The following PTPN5 variants were observed in gnomAD, a reference collection of about 807,000 sequenced individuals.
PTPN5 encodes the protein protein tyrosine phosphatase non-receptor type 5, also known as tyrosine-protein phosphatase non-receptor type 5.
In PTPN5, 29 loss-of-function variants were observed where a neutral mutation model predicts 73.9. The observed-to-expected ratio is 0.39, with a 90% confidence interval of 0.29 to 0.54. The LOEUF is 0.54. PTPN5 is among the 20% of genes least tolerant of loss of function. The pLI is 0.65. For synonymous variants in PTPN5, 267 were observed against 304.7 expected, an observed-to-expected ratio of 0.88 and a Z score of 1.29; for missense variants, 652 against 751.4, an observed-to-expected ratio of 0.87 and a Z score of 1.55.
At chr11:18,788,831 A>G (rs1851786002) in intron 1 of PTPN5, among the ~76,000 whole-genome samples, 1 of 152,224 alleles carries the variant, frequency 6.6e-6, no homozygotes, top group Non-Finnish European at 1.5e-5. Flanking sequence ...TGAAAATCCA[A>G]GCCTTAATTT....
intron 3 of PTPN5, among the ~76,000 whole-genome samples, chr11:18,755,533 G>A (rs1197900428): frequency 1.3e-5 from 2 of 151,694 alleles, no homozygotes; most frequent in African/African-American, 4.8e-5. Context: ...AGGCCTAAGA[G>A]GATGCGGGTT....
intron 1 of PTPN5, among the ~76,000 whole-genome samples, chr11:18,778,612 T>C (rs1361916228): frequency 2.0e-5 from 3 of 152,178 alleles, no homozygotes; most frequent in Non-Finnish European, 4.4e-5. Flanking sequence ...CTCACTCTCT[T>C]GTTCCTGCTT....
chr11:18,784,529 G>A (rs1198243655), intron 1 of PTPN5, among the ~76,000 whole-genome samples: 3 of 152,192 alleles, frequency 2.0e-5, no homozygotes, highest in South Asian at 2.1e-4. Context: ...TGAGTACAGC[G>A]ATTCAGTCTG....
chr11:18,777,991 A>AAAGAAAGG (rs1851247381), intron 1 of PTPN5, among the ~76,000 whole-genome samples: 1 of 92,514 alleles, frequency 1.1e-5, no homozygotes, highest in African/African-American at 3.8e-5. Flanking sequence ...AGAAAGAAAG[A>AAAGAAAGG]AAGGAAGGAA....
intron 3 of PTPN5, among the ~76,000 whole-genome samples, chr11:18,761,887 G>A (rs1472455840): frequency 1.3e-5 from 2 of 152,224 alleles, no homozygotes; most frequent in East Asian, 1.9e-4. Flanking sequence ...TGTGAGCCTG[G>A]AGGTGTGCGT....
intron 3 of PTPN5, among the ~76,000 whole-genome samples, chr11:18,758,442 G>A (rs912114531): frequency 7.9e-5 from 12 of 152,140 alleles, no homozygotes; most frequent in African/African-American, 2.4e-4. Flanking sequence ...AGCTTTCTCC[G>A]ACATTCTATC....
At chr11:18,767,313 T>A (rs1850687176) in intron 2 of PTPN5, among the ~76,000 whole-genome samples, 1 of 152,226 alleles carries the variant, frequency 6.6e-6, no homozygotes, top group African/African-American at 2.4e-5. Context: ...ACTGGCATTA[T>A]ATCATTTTAT....
At chr11:18,788,181 A>T (rs2134378470) in intron 1 of PTPN5, among the ~76,000 whole-genome samples, 1 of 152,160 alleles carries the variant, frequency 6.6e-6, no homozygotes, top group East Asian at 1.9e-4. Context: ...AACCATTCTT[A>T]CAACCACCCC....
intron 4 of PTPN5, chr11:18,743,641 GA>G: frequency 6.7e-6 from 4 of 599,162 alleles, no homozygotes; most frequent in Middle Eastern, 4.4e-4. Flanking sequence ...AGGGAACCAA[GA>G]GAAAGCCCTT....
At chr11:18,749,964 G>A (rs1290602367) in intron 3 of PTPN5, among the ~76,000 whole-genome samples, 1 of 152,186 alleles carries the variant, frequency 6.6e-6, no homozygotes, top group Non-Finnish European at 1.5e-5. Context: ...AGCGGTCACA[G>A]GGAGCCCTAC....
chr11:18,748,160 TC>T (rs1849723091), intron 3 of PTPN5, among the ~76,000 whole-genome samples: 1 of 152,184 alleles, frequency 6.6e-6, no homozygotes, highest in South Asian at 2.1e-4. Context: ...AGGCCTCGAC[TC>T]CCACCTGTCA....
At chr11:18,781,337 T>TTTTTTTTTTTG (rs1564932077) in intron 1 of PTPN5, among the ~76,000 whole-genome samples, 1 of 149,904 alleles carries the variant, frequency 6.7e-6, no homozygotes. Flanking sequence ...TTTTTTTTTT[T>TTTTTTTTTTTG]GAGATGGAGT....
intron 1 of PTPN5, among the ~76,000 whole-genome samples, chr11:18,790,216 C>T (rs1851853362): frequency 6.6e-6 from 1 of 152,112 alleles, no homozygotes; most frequent in Non-Finnish European, 1.5e-5. Context: ...CAAGCTTCCC[C>T]AGCAGCTTTG....
In PTPN5 at chr11:18,729,021, G is replaced by T; in HGVS notation, c.1611C>A (p.Gly537=). 6.2e-7 allele frequency: 1 copy of T among 1,613,708 alleles called. No individual in the cohort carries two copies. Among genetic ancestry groups the T allele is most frequent in the South Asian group, 1.1e-5 (1 of 91,048 alleles). ...GGTACTGCTCGCATGTCTGGATCAT[G>T]CCGCCCCTGCCCGGCAGAGATGCAC... ...TTCQLRQDRG[G]MIQTCEQYQF... Residue 537 remains glycine (G), a synonymous_variant, in exon 15 of 15, where the codon GGC becomes GGA. Coordinates refer to ENST00000358540, the MANE Select transcript of PTPN5 (RefSeq NM_006906.2). The surrounding 1 kb of genome is among the most constrained non-coding windows in gnomAD (Gnocchi z 5.2).
intron 1 of PTPN5, among the ~76,000 whole-genome samples, chr11:18,774,878 G>T (rs1851071518): frequency 6.6e-6 from 1 of 152,218 alleles, no homozygotes; most frequent in African/African-American, 2.4e-5. Flanking sequence ...AGGAGGAGGT[G>T]ATCTGAGAGA....
intron 11 of PTPN5, 111 bp from the exon 12 acceptor site, chr11:18,732,813 CAG>C (rs1352664215): frequency 1.2e-6 from 1 of 864,698 alleles, no homozygotes; most frequent in East Asian, 2.5e-5. Flanking sequence ...GTTGCTGCTA[CAG>C]AGTGTTGGGT....
intron 3 of PTPN5, among the ~76,000 whole-genome samples, chr11:18,760,615 T>A (rs1850343579): frequency 6.6e-6 from 1 of 152,232 alleles, no homozygotes; most frequent in East Asian, 1.9e-4. Context: ...TTCAGCATAC[T>A]CATGACCTTG....
At chr11:18,750,263 C>T (rs1027387864) in intron 3 of PTPN5, among the ~76,000 whole-genome samples, 3 of 152,190 alleles carry the variant, frequency 2.0e-5, no homozygotes, top group African/African-American at 7.2e-5. Context: ...CCATTTTACA[C>T]ATGAGGAAAC....
Position 18,733,775 on chromosome 11 carries a change from GA to G in PTPN5, c.1001-141del, listed in dbSNP as rs1471823087. ...TTCCCTTGCCCAGCAGCAAAACATT[GA>G]CCCATTCATGGTTCATTTTGTAGGT... On this transcript the variant is annotated intron_variant, in intron 9 of 14. Transcript: ENST00000358540. This position sits in a 1 kb window ranked among gnomAD's most constrained non-coding sequence, Gnocchi z 4.3. 6 of 760,248 alleles carry G rather than the reference GA, an allele frequency of 7.9e-6. No individual in the cohort carries two copies. The African/African-American group carries it at 1.0e-4, about 13-fold the overall frequency. 47.1% of individuals were successfully genotyped at this position (760,248 alleles called of 1,614,324 possible).
Sources: gnomAD v4.1 joint callset for allele counts (sites outside exome capture counted in the v4.1 genomes callset) on GRCh38, gnomAD v4.1.1 for gene constraint, Gnocchi (gnomAD v3.1) non-coding constraint, MANE v1.5 for transcripts, NCBI Gene and HGNC (gene_info 2026-07-23, HGNC 2026-07-21) for gene names.